The following RIMS2 variants were observed in gnomAD, a reference collection of about 807,000 sequenced individuals.
RIMS2 encodes the protein regulating synaptic membrane exocytosis protein 2.
Under a neutral mutation model 174.4 loss-of-function variants are expected in RIMS2, and 59 were observed. The ratio of observed to expected loss-of-function variants is 0.34; its 90% CI spans 0.27 to 0.42. The LOEUF (loss-of-function observed/expected upper bound fraction) is 0.42. RIMS2 is among the 10% of genes least tolerant of loss of function. The pLI is 1.00. For missense variants in RIMS2, 1,620 were observed against 1,666.3 expected (o/e 0.97, Z 0.48); for synonymous variants, 606 against 572.5 (o/e 1.06, Z -0.84).
At chr8:103,936,525 T>G in intron 12 of RIMS2, 26 bp from the exon 15 acceptor site, 1 of 1,457,228 alleles carries the variant, frequency 6.9e-7, no homozygotes. Flanking sequence ...CTATGTAAGT[T>G]CATAATTCAT....
intron 2 of RIMS2, among the ~76,000 whole-genome samples, chr8:103,715,174 G>T (rs191113090): frequency 4.6e-5 from 7 of 152,274 alleles, no homozygotes; most frequent in African/African-American, 1.4e-4. Context: ...TAATTTTATT[G>T]TAAGTTTCAG....
chr8:104,138,080 T>A (rs924909217), intron 19 of RIMS2, among the ~76,000 whole-genome samples: 2 of 152,216 alleles, frequency 1.3e-5, no homozygotes, highest in Admixed American at 1.3e-4. Context: ...TCACTTAACA[T>A]AACGTCCTCC....
chr8:104,149,555 C>T (rs2098672170), intron 19 of RIMS2, among the ~76,000 whole-genome samples: 1 of 152,112 alleles, frequency 6.6e-6, no homozygotes, highest in South Asian at 2.1e-4. Context: ...AAAGCAATGT[C>T]TTTTTTCAAA....
intron 3 of RIMS2, among the ~76,000 whole-genome samples, chr8:103,791,452 G>A (rs1470336768): frequency 6.6e-6 from 1 of 152,154 alleles, no homozygotes; most frequent in African/African-American, 2.4e-5. Flanking sequence ...ACCCGTACGA[G>A]CCACTGCAAA....
chr8:103,948,328 C>T (rs1460011811), intron 14 of RIMS2, among the ~76,000 whole-genome samples: 1 of 152,150 alleles, frequency 6.6e-6, no homozygotes, highest in Non-Finnish European at 1.5e-5. Flanking sequence ...CACTAATTCA[C>T]CTTCAAGAGA....
chr8:103,909,151 T>C (rs1176817963), intron 4 of RIMS2, among the ~76,000 whole-genome samples: 1 of 152,208 alleles, frequency 6.6e-6, no homozygotes, highest in East Asian at 1.9e-4. Context: ...GATCTGTTTC[T>C]CTATCCCTAC....
chr8:104,018,269 T>A (rs776002507), intron 19 of RIMS2, among the ~76,000 whole-genome samples: 1 of 151,816 alleles, frequency 6.6e-6, no homozygotes, highest in Non-Finnish European at 1.5e-5. Context: ...GGAGAAGAGG[T>A]CAAGGCAGGT....
chr8:103,620,766 A>G (rs2095616050), intron 1 of RIMS2, among the ~76,000 whole-genome samples: 1 of 152,208 alleles, frequency 6.6e-6, no homozygotes, highest in Admixed American at 6.5e-5. Flanking sequence ...GGATTAAATA[A>G]TTTATGTAGA....
At chr8:103,578,695 T>C (rs2093415413) in intron 1 of RIMS2, among the ~76,000 whole-genome samples, 1 of 151,958 alleles carries the variant, frequency 6.6e-6, no homozygotes, top group Non-Finnish European at 1.5e-5. Context: ...AAAAATCTGC[T>C]GTTTTAAGAA....
At chr8:103,787,324 C>G (rs1225238716) in intron 3 of RIMS2, among the ~76,000 whole-genome samples, 3 of 151,600 alleles carry the variant, frequency 2.0e-5, no homozygotes, top group Non-Finnish European at 4.4e-5. Context: ...ATGATGTTAG[C>G]TGGTTATTTT....
chr8:103,706,340 A>G (rs2097225323), intron 2 of RIMS2, among the ~76,000 whole-genome samples: 1 of 152,150 alleles, frequency 6.6e-6, no homozygotes, highest in Non-Finnish European at 1.5e-5. Context: ...ACATGCCACA[A>G]TTACAGTTTT....
chr8:103,983,655 G>A (rs1403485600), intron 16 of RIMS2, among the ~76,000 whole-genome samples: 1 of 152,104 alleles, frequency 6.6e-6, no homozygotes, highest in African/African-American at 2.4e-5. Flanking sequence ...AGAAAGGAAG[G>A]TCTCTTCAAT....
chr8:103,658,641 T>G lies in RIMS2; in HGVS notation c.177-38445T>G, dbSNP rs1309494072. Reference sequence around the variant, plus strand: ...GCCCAGGGAAAATGGTGTGTATCTTTTTAGTTGTGAAACATGAATTCAAGG... The same window carrying G: ...GCCCAGGGAAAATGGTGTGTATCTTGTTAGTTGTGAAACATGAATTCAAGG... On this transcript the variant is annotated intron_variant, in intron 1 of 23. Coordinates refer to ENST00000504942, the Ensembl canonical transcript of RIMS2. Among the ~76,000 whole-genome samples the G allele has an allele frequency of 2.6e-5, 4 of 152,308 alleles. No individual in the cohort carries two copies. In the East Asian group the frequency reaches 7.7e-4, roughly 29 times the overall value.
chr8:103,750,369 T>C (rs183685291), intron 2 of RIMS2, among the ~76,000 whole-genome samples: 1 of 152,310 alleles, frequency 6.6e-6, no homozygotes, highest in Admixed American at 6.5e-5. Flanking sequence ...TTGACAGTTT[T>C]CTTTTCCATT....
At chr8:103,679,899 G>A (rs776550876) in intron 1 of RIMS2, among the ~76,000 whole-genome samples, 1 of 151,890 alleles carries the variant, frequency 6.6e-6, no homozygotes, top group Non-Finnish European at 1.5e-5. Flanking sequence ...CCTGCTATCT[G>A]CTTTTGTAAA....
At chr8:104,110,083 A>G (rs2098151330) in intron 19 of RIMS2, among the ~76,000 whole-genome samples, 1 of 152,188 alleles carries the variant, frequency 6.6e-6, no homozygotes, top group African/African-American at 2.4e-5. Flanking sequence ...AAGTAATTAG[A>G]TTGATTTGAA....
chr8:104,104,573 G>A (rs1370804269), intron 19 of RIMS2, among the ~76,000 whole-genome samples: 3 of 152,180 alleles, frequency 2.0e-5, no homozygotes, highest in Non-Finnish European at 2.9e-5. Context: ...ATATGATATA[G>A]TAAAAATAGG....
chr8:104,158,975 C>G (rs1433035834), intron 19 of RIMS2, among the ~76,000 whole-genome samples: 2 of 152,122 alleles, frequency 1.3e-5, no homozygotes, highest in African/African-American at 4.8e-5. Flanking sequence ...TTGCCCATGC[C>G]TATATCCTGA....
chr8:103,592,261 C>G (rs1268055319), intron 1 of RIMS2, among the ~76,000 whole-genome samples: 1 of 151,188 alleles, frequency 6.6e-6, no homozygotes, highest in Non-Finnish European at 1.5e-5. Context: ...TTATAACAAC[C>G]ATTATCCTAT....
Sources: allele counts gnomAD v4.1 joint callset (sites outside exome capture counted in the v4.1 genomes callset), GRCh38; gene constraint gnomAD v4.1.1; transcripts MANE v1.5; gene names NCBI Gene and HGNC (gene_info 2026-07-23, HGNC 2026-07-21).